The following LRRC4C variants were observed in gnomAD, a reference collection of about 807,000 sequenced individuals.
The protein encoded by LRRC4C is leucine rich repeat containing 4C, also known as leucine-rich repeat-containing protein 4C.
A neutral mutation model predicts 33.6 loss-of-function variants in LRRC4C; 5 were observed. That is an observed-to-expected ratio of 0.15 (90% CI 0.08 to 0.31). The LOEUF (loss-of-function observed/expected upper bound fraction) is 0.31. Ranked by LOEUF, LRRC4C falls within the 10% of genes least tolerant of loss-of-function variation. The pLI is 1.00. For synonymous variants in LRRC4C, 329 were observed against 302.0 expected (o/e 1.09, Z -0.93); for missense variants, 560 against 796.7 (o/e 0.70, Z 3.58).
intron 3 of LRRC4C, among the ~76,000 whole-genome samples, chr11:40,319,948 A>G (rs1945759139): frequency 6.6e-6 from 1 of 152,056 alleles, no homozygotes; most frequent in African/African-American, 2.4e-5. Context: ...ATATATATAC[A>G]ACATATAAAT....
intron 3 of LRRC4C, among the ~76,000 whole-genome samples, chr11:40,510,620 C>T (rs948412467): frequency 6.6e-6 from 1 of 152,128 alleles, no homozygotes; most frequent in African/African-American, 2.4e-5. Flanking sequence ...CAGGTACTGC[C>T]TCTATCCGCA....
At chr11:41,230,941 C>A (rs199931775) in intron 1 of LRRC4C, among the ~76,000 whole-genome samples, 18 of 146,344 alleles carry the variant, frequency 1.2e-4, no homozygotes, top group Non-Finnish European at 9.0e-5. Context: ...ACCCCATCAA[C>A]AAGTGGGCAA....
At chr11:41,158,626 A>G (rs1256954882) in intron 1 of LRRC4C, among the ~76,000 whole-genome samples, 2 of 152,112 alleles carry the variant, frequency 1.3e-5, no homozygotes, top group African/African-American at 4.8e-5. Context: ...GCGATGGACC[A>G]CAAAGTTCAC....
chr11:40,221,999 C>A (rs1193500864), intron 5 of LRRC4C, among the ~76,000 whole-genome samples: 1 of 152,116 alleles, frequency 6.6e-6, no homozygotes, highest in African/African-American at 2.4e-5. Context: ...TTGTCTGCGG[C>A]TCGTCCTGCT....
At position 40,578,048 on chromosome 11, in the gene LRRC4C, A is replaced by G. The variant is rs1464805317; in HGVS notation, c.-270+70094T>C. ...ACGGGGTTTCACCGTGTTAGCCAGG[A>G]TGGTCTCAATCTCCTGACCTTGTGA... is the stretch of plus-strand genomic sequence containing the variant. On this transcript the variant is annotated intron_variant, in intron 3 of 6. Transcript: ENST00000528697. Among the ~76,000 whole-genome samples the G allele has an allele frequency of 2.8e-5, 4 of 142,772 alleles. No homozygotes were observed. In the South Asian group the frequency reaches 9.6e-4, roughly 34 times the overall value. 93.7% of individuals were successfully genotyped at this position (142,772 alleles called of 152,430 possible).
At chr11:40,754,285 G>A (rs576192603) in intron 2 of LRRC4C, among the ~76,000 whole-genome samples, 23 of 152,164 alleles carry the variant, frequency 1.5e-4, no homozygotes, top group East Asian at 7.7e-4. Context: ...GCATGATGCC[G>A]TAATTAATAT....
At chr11:40,279,837 C>G (rs529754106) in intron 4 of LRRC4C, among the ~76,000 whole-genome samples, 6 of 152,236 alleles carry the variant, frequency 3.9e-5, no homozygotes, top group African/African-American at 1.4e-4. Flanking sequence ...AGTTAGTACT[C>G]AGTATATGGC....
intron 3 of LRRC4C, among the ~76,000 whole-genome samples, chr11:40,390,942 T>A (rs1349561001): frequency 6.6e-6 from 1 of 152,072 alleles, no homozygotes; most frequent in African/African-American, 2.4e-5. Context: ...AGTGCAATGG[T>A]GCAGTCTAGG....
chr11:41,252,349 C>T (rs1309402836), intron 1 of LRRC4C, among the ~76,000 whole-genome samples: 1 of 152,070 alleles, frequency 6.6e-6, no homozygotes, highest in African/African-American at 2.4e-5. Context: ...AGAGATGGCT[C>T]CTAGGTCCTT....
intron 2 of LRRC4C, among the ~76,000 whole-genome samples, chr11:40,756,497 C>T (rs1948953827): frequency 6.6e-6 from 1 of 152,046 alleles, no homozygotes; most frequent in African/African-American, 2.4e-5. Context: ...TTTAAAAAGT[C>T]TTTGAAACCT....
chr11:40,988,032 C>T (rs1853199790), intron 1 of LRRC4C, among the ~76,000 whole-genome samples: 1 of 152,038 alleles, frequency 6.6e-6, no homozygotes, highest in South Asian at 2.1e-4. Flanking sequence ...GGTAACTGAC[C>T]TCACAAGGCT....
intron 1 of LRRC4C, among the ~76,000 whole-genome samples, chr11:41,294,306 G>A (rs1950076607): frequency 6.6e-6 from 1 of 152,192 alleles, no homozygotes; most frequent in African/African-American, 2.4e-5. Flanking sequence ...AGGTCACAGA[G>A]TGTGAGAGAA....
chr11:40,785,058 T>A (rs544924255), intron 2 of LRRC4C, among the ~76,000 whole-genome samples: 1 of 152,308 alleles, frequency 6.6e-6, no homozygotes, highest in South Asian at 2.1e-4. Flanking sequence ...GCAATGATAA[T>A]GTATGTGTAG....
At chr11:41,181,268 T>C (rs988516238) in intron 1 of LRRC4C, among the ~76,000 whole-genome samples, 1 of 152,128 alleles carries the variant, frequency 6.6e-6, no homozygotes, top group Admixed American at 6.5e-5. Flanking sequence ...AAATGGATAT[T>C]AGATTTTTTC....
chr11:41,179,430 G>C (rs1945348334), intron 1 of LRRC4C, among the ~76,000 whole-genome samples: 1 of 152,180 alleles, frequency 6.6e-6, no homozygotes, highest in African/African-American at 2.4e-5. Flanking sequence ...TCTGGCCTGA[G>C]GGCCTGATCT....
At position 40,116,093 on chromosome 11, in the gene LRRC4C, A is replaced by G; in HGVS notation, c.200T>C (p.Leu67Pro). 6.2e-7 allele frequency: 1 copy of G among 1,614,118 alleles called. No homozygotes were observed. Among genetic ancestry groups the G allele is most frequent in the East Asian group, 2.2e-5 (1 of 44,850 alleles). ...FSKVICVRKN[L>P]REVPDGISTN... ...GGAGATGCCATCCGGAACCTCACGC[A>G]GGTTTTTCCGAACACAAATCACCTT... is the stretch of plus-strand genomic sequence containing the variant. Residue 67 changes from leucine to proline, a missense_variant, in exon 7 of 7, where the codon CTG becomes CCG. By Grantham distance (98) the Leu-to-Pro change is moderately conservative. Around this residue, in one of 3 missense-constraint regions of LRRC4C, gnomAD observed 455 missense variants for 643.8 expected, o/e 0.71. Coordinates refer to ENST00000528697, the MANE Select transcript of LRRC4C (RefSeq NM_001258419.2).
At chr11:41,172,977 A>C (rs1057237673) in intron 1 of LRRC4C, among the ~76,000 whole-genome samples, 1 of 152,160 alleles carries the variant, frequency 6.6e-6, no homozygotes, top group Non-Finnish European at 1.5e-5. Context: ...CAGAAACCCA[A>C]GTTCCCCCAG....
chr11:41,178,463 C>T (rs1945301150), intron 1 of LRRC4C, among the ~76,000 whole-genome samples: 1 of 152,142 alleles, frequency 6.6e-6, no homozygotes, highest in African/African-American at 2.4e-5. Flanking sequence ...AAGCAATTCT[C>T]ATGCCTCAGC....
At chr11:40,384,745 T>C (rs1949038442) in intron 3 of LRRC4C, among the ~76,000 whole-genome samples, 1 of 152,174 alleles carries the variant, frequency 6.6e-6, no homozygotes, top group Non-Finnish European at 1.5e-5. Context: ...TTCTTTTCTT[T>C]TTTCATCACA....
Sources: gnomAD v4.1 joint callset for allele counts (sites outside exome capture counted in the v4.1 genomes callset) on GRCh38, gnomAD v4.1.1 for gene constraint, gnomAD v4.1.1 regional missense constraint, MANE v1.5 for transcripts, NCBI Gene and HGNC (gene_info 2026-07-23, HGNC 2026-07-21) for gene names.